Variants in CNTN5 observed in about 807,000 individuals in gnomAD.
CNTN5 encodes contactin-5.
In CNTN5, 77 loss-of-function variants were observed where a neutral mutation model predicts 129.1. The ratio of observed to expected loss-of-function variants is 0.60; its 90% confidence interval spans 0.50 to 0.72. The LOEUF (loss-of-function observed/expected upper bound fraction) is 0.72. Among genes scored for constraint, CNTN5 ranks in the 30% least tolerant of loss-of-function variants. The pLI is 0.00. For synonymous variants in CNTN5, 509 were observed against 465.6 expected, an observed-to-expected ratio of 1.09 and a Z score of -1.20; for missense variants, 1,478 against 1,328.8, an observed-to-expected ratio of 1.11 and a Z score of -1.75.
chr11:99,364,952 GC>G (rs1939352654), intron 2 of CNTN5, among the ~76,000 whole-genome samples: 1 of 152,102 alleles, frequency 6.6e-6, no homozygotes, highest in Non-Finnish European at 1.5e-5. Context: ...AATAAGGATG[GC>G]TTTGAAGGGA....
At chr11:99,636,927 C>G (rs188087574) in intron 3 of CNTN5, among the ~76,000 whole-genome samples, 16,898 of 54,788 alleles carry the variant, frequency 0.31, 3,301 homozygotes, top group Non-Finnish European at 0.41. Flanking sequence ...GCAGGAGAAT[C>G]ACTTGAGCCC....
intron 1 of CNTN5, among the ~76,000 whole-genome samples, chr11:99,047,042 T>A (rs1448715729): frequency 4.6e-5 from 7 of 152,110 alleles, no homozygotes; most frequent in African/African-American, 1.7e-4. Flanking sequence ...AACAGTATAA[T>A]TCTGCTGTGT....
chr11:100,032,788 G>A (rs898962053), intron 9 of CNTN5, among the ~76,000 whole-genome samples: 1 of 151,898 alleles, frequency 6.6e-6, no homozygotes, highest in Non-Finnish European at 1.5e-5. Context: ...TAGTCTTTGA[G>A]TATAAAAATA....
chr11:99,104,025 C>A (rs1195329811), intron 1 of CNTN5, among the ~76,000 whole-genome samples: 3 of 152,104 alleles, frequency 2.0e-5, no homozygotes, highest in African/African-American at 4.8e-5. Flanking sequence ...TTGTGGAATT[C>A]TTTTATGGCA....
intron 2 of CNTN5, among the ~76,000 whole-genome samples, chr11:99,335,572 T>C (rs547514293): frequency 2.0e-5 from 3 of 152,066 alleles, no homozygotes; most frequent in Non-Finnish European, 2.9e-5. Context: ...GACATAATAA[T>C]GAGCAGGTCC....
intron 1 of CNTN5, among the ~76,000 whole-genome samples, chr11:99,033,488 G>T (rs11218133): frequency 8.5e-5 from 13 of 152,060 alleles, no homozygotes; most frequent in Middle Eastern, 3.4e-3. Flanking sequence ...CTTCACATCC[G>T]TTGTAAGTTG....
rs115424174 is a variant in CNTN5, at chr11:100,082,407, G to A, written c.1580+8113G>A. On this transcript the variant is annotated intron_variant, in intron 13 of 24. Transcript: ENST00000524871. ...AGCATTTGTCCCACCTCAGCCTCTC[G>A]AGTAGCTGGGACCACAAGAGCACAC... is the stretch of plus-strand genomic sequence containing the variant. Among the ~76,000 whole-genome samples the A allele has an allele frequency of 9.2e-3, 1,399 of 152,108 alleles. 19 individuals are homozygous for A. Among genetic ancestry groups the A allele is most frequent in the African/African-American group, 0.032 (1,348 of 41,516 alleles).
At chr11:100,159,971 C>T (rs1459418081) in intron 13 of CNTN5, among the ~76,000 whole-genome samples, 1 of 151,790 alleles carries the variant, frequency 6.6e-6, no homozygotes, top group Admixed American at 6.6e-5. Flanking sequence ...GATACATAGG[C>T]AGAACGTGCA....
In CNTN5 at chr11:99,060,152, A is replaced by G. The variant is rs565774644; in HGVS notation, c.-210+38882A>G. Among the ~76,000 whole-genome samples the G allele has an allele frequency of 2.6e-5, 4 of 152,178 alleles. No homozygotes were observed. The South Asian group carries it at 6.2e-4, about 24-fold the overall frequency. ...ACATATTATACCAGTAAATGTGGGT[A>G]TGTATGGGCCTGTAAATAAGCTGTT... On this transcript the variant is annotated intron_variant, in intron 1 of 24. Transcript: ENST00000524871.
intron 7 of CNTN5, among the ~76,000 whole-genome samples, chr11:99,922,900 C>T (rs555935495): frequency 1.3e-5 from 2 of 152,264 alleles, no homozygotes; most frequent in Middle Eastern, 3.4e-3. Context: ...TTTCTGTCAG[C>T]CTTCTGGTAT....
At chr11:99,787,453 G>C (rs1473284630) in intron 3 of CNTN5, among the ~76,000 whole-genome samples, 4 of 151,112 alleles carry the variant, frequency 2.6e-5, no homozygotes, top group Non-Finnish European at 5.9e-5. Context: ...ATTTTTAGCA[G>C]TGAGAATGTA....
intron 3 of CNTN5, among the ~76,000 whole-genome samples, chr11:99,744,500 G>A (rs540470969): frequency 9.1e-5 from 12 of 132,316 alleles, no homozygotes; most frequent in African/African-American, 2.9e-4. Context: ...AGGAGTTAGC[G>A]ACCGATTGGG....
chr11:100,112,387 T>C (rs1022391444), intron 13 of CNTN5, among the ~76,000 whole-genome samples: 2 of 152,180 alleles, frequency 1.3e-5, no homozygotes, highest in African/African-American at 4.8e-5. Context: ...TCACTGATGA[T>C]ATAAACACTG....
At chr11:99,107,938 TAAA>T (rs55786739) in intron 1 of CNTN5, among the ~76,000 whole-genome samples, 4,138 of 103,488 alleles carry the variant, frequency 0.04, 89 homozygotes, top group South Asian at 0.087. Context: ...CTCAAAAAAG[TAAA>T]AAAAAAAAAA....
At chr11:99,639,465 T>C (rs989388936) in intron 3 of CNTN5, among the ~76,000 whole-genome samples, 3 of 152,190 alleles carry the variant, frequency 2.0e-5, no homozygotes, top group African/African-American at 7.2e-5. Context: ...GGTTTTTATT[T>C]TCTATTGCAT....
In CNTN5 at chr11:99,425,089, C is replaced by T. The variant is rs562212316; in HGVS notation, c.-71+99605C>T. On this transcript the variant is annotated intron_variant, in intron 2 of 24. Transcript: ENST00000524871. ...AGAGGAGACCTGTAGCAGGTAGCTCCGTCCCACAGCTGGTAATCCCAATGT... is the reference window on the plus strand; with the variant it reads ...AGAGGAGACCTGTAGCAGGTAGCTCTGTCCCACAGCTGGTAATCCCAATGT... Among the ~76,000 whole-genome samples, 6 of 152,258 alleles carry T rather than the reference C, an allele frequency of 3.9e-5. No homozygotes were observed. The South Asian group carries it at 6.2e-4, about 16-fold the overall frequency.
chr11:100,287,883 C>T (rs1389596985), intron 18 of CNTN5, among the ~76,000 whole-genome samples: 3 of 152,108 alleles, frequency 2.0e-5, no homozygotes, highest in Admixed American at 1.3e-4. Flanking sequence ...CAGAAACACA[C>T]ACAGGCTCAA....
intron 6 of CNTN5, among the ~76,000 whole-genome samples, chr11:99,896,911 C>A (rs1283582981): frequency 6.6e-6 from 1 of 152,082 alleles, no homozygotes; most frequent in Non-Finnish European, 1.5e-5. Context: ...AAAACATAAA[C>A]CCCACAGGCC....
At chr11:99,929,922 TGAAACAAA>T (rs1382365702) in intron 7 of CNTN5, among the ~76,000 whole-genome samples, 2 of 152,196 alleles carry the variant, frequency 1.3e-5, no homozygotes, top group African/African-American at 4.8e-5. Flanking sequence ...GAGAGTTTAT[TGAAACAAA>T]GAAAAGTCCA....
Sources: gnomAD v4.1 joint callset for allele counts (sites outside exome capture counted in the v4.1 genomes callset) on GRCh38, gnomAD v4.1.1 for gene constraint, MANE v1.5 for transcripts, NCBI Gene and HGNC (gene_info 2026-07-23, HGNC 2026-07-21) for gene names.